Variants in GPC5 observed in about 807,000 individuals in gnomAD.
The protein encoded by GPC5 is glypican 5.
In GPC5, 47 loss-of-function variants were observed where a neutral mutation model predicts 53.9. The ratio of observed to expected loss-of-function variants is 0.87; its 90% confidence interval spans 0.69 to 1.11. The LOEUF is 1.11. Ranked by LOEUF, GPC5 falls within the 50% of genes most tolerant of loss-of-function variation. GPC5 has a pLI of 0.00. For synonymous variants in GPC5, 286 were observed against 263.3 expected (o/e 1.09, Z -0.84); for missense variants, 748 against 713.1 (o/e 1.05, Z -0.56).
chr13:92,142,018 A>T (rs2041835436), intron 6 of GPC5, among the ~76,000 whole-genome samples: 1 of 152,214 alleles, frequency 6.6e-6, no homozygotes, highest in South Asian at 2.1e-4. Context: ...CATGCTTGGA[A>T]TGTCTAACTT....
At chr13:91,530,887 T>C (rs1486067791) in intron 2 of GPC5, among the ~76,000 whole-genome samples, 1 of 152,218 alleles carries the variant, frequency 6.6e-6, no homozygotes, top group African/African-American at 2.4e-5. Context: ...AATTTATTAT[T>C]TTAGCACGAA....
chr13:92,216,033 C>T (rs1181768127), intron 7 of GPC5, among the ~76,000 whole-genome samples: 1 of 152,116 alleles, frequency 6.6e-6, no homozygotes, highest in Non-Finnish European at 1.5e-5. Context: ...TAATACTAGG[C>T]ACAAGCTCCC....
intron 7 of GPC5, among the ~76,000 whole-genome samples, chr13:92,614,792 C>T (rs184335450): frequency 1.3e-4 from 20 of 152,258 alleles, no homozygotes; most frequent in Admixed American, 1.2e-3. Context: ...AAGGTTATTT[C>T]AAATTCTTTT....
chr13:92,602,171 C>T (rs902864506), intron 7 of GPC5, among the ~76,000 whole-genome samples: 4 of 140,240 alleles, frequency 2.9e-5, no homozygotes, highest in African/African-American at 1.1e-4. Flanking sequence ...TATACAAATA[C>T]ACACTATATA....
chr13:91,833,531 C>T (rs967832183), intron 5 of GPC5, among the ~76,000 whole-genome samples: 5 of 152,174 alleles, frequency 3.3e-5, no homozygotes, highest in African/African-American at 9.7e-5. Flanking sequence ...TCCAGCAGCA[C>T]ATCAAAAAGC....
At chr13:91,684,851 C>T (rs1186750470) in intron 2 of GPC5, among the ~76,000 whole-genome samples, 1 of 152,200 alleles carries the variant, frequency 6.6e-6, no homozygotes, top group East Asian at 1.9e-4. Flanking sequence ...AATCTGTCCC[C>T]TGCCTACTTC....
chr13:92,072,449 T>G (rs1240033054), intron 6 of GPC5, among the ~76,000 whole-genome samples: 1 of 151,830 alleles, frequency 6.6e-6, no homozygotes, highest in Admixed American at 6.6e-5. Flanking sequence ...GTATTTTTAG[T>G]GGAGACGGGG....
intron 7 of GPC5, among the ~76,000 whole-genome samples, chr13:92,296,698 G>C (rs539354902): frequency 1.3e-5 from 2 of 152,184 alleles, no homozygotes; most frequent in Admixed American, 6.5e-5. Context: ...GGCTGCGTGC[G>C]GCGCTTGCGG....
chr13:91,719,217 C>T (rs907647580), intron 3 of GPC5, among the ~76,000 whole-genome samples: 6 of 152,278 alleles, frequency 3.9e-5, no homozygotes, highest in East Asian at 1.9e-4. Context: ...TGCAGTTGCC[C>T]GTTTGCTCTG....
rs145857274 is a variant in GPC5 at position 92,550,162 on chromosome 13, T to C, written c.1562-316120T>C. On this transcript the variant is annotated intron_variant, in intron 7 of 7. Transcript: ENST00000377067. ...TTTGATTCCATTTATATTACTTAGA[T>C]GTATATTTATGTATTATTTGATTCC... Among the ~76,000 whole-genome samples, 29 of 152,024 alleles carry C rather than the reference T, an allele frequency of 1.9e-4. No individual in the cohort carries two copies. In the East Asian group the frequency reaches 3.9e-3, roughly 20 times the overall value.
chr13:92,586,542 C>A (rs1033386902), intron 7 of GPC5, among the ~76,000 whole-genome samples: 1 of 152,152 alleles, frequency 6.6e-6, no homozygotes, highest in Non-Finnish European at 1.5e-5. Flanking sequence ...CGTCAGTGTG[C>A]AGAATGAACT....
chr13:91,919,695 C>T (rs896496780), intron 6 of GPC5, among the ~76,000 whole-genome samples: 2 of 152,002 alleles, frequency 1.3e-5, no homozygotes, highest in Admixed American at 6.6e-5. Context: ...TCCCAGATAA[C>T]TCTCCTCCAC....
At chr13:92,065,582 C>A (rs1364909372) in intron 6 of GPC5, among the ~76,000 whole-genome samples, 1 of 152,134 alleles carries the variant, frequency 6.6e-6, no homozygotes, top group Non-Finnish European at 1.5e-5. Flanking sequence ...ATGTTCTTAT[C>A]ATTCTGTGTC....
intron 7 of GPC5, among the ~76,000 whole-genome samples, chr13:92,390,420 C>A (rs1874940828): frequency 6.6e-6 from 1 of 151,988 alleles, no homozygotes; most frequent in African/African-American, 2.4e-5. Context: ...AAGCTGATTT[C>A]TACAAAGATA....
At chr13:92,144,713 G>A (rs2041854020) in intron 6 of GPC5, 117 bp from the exon 7 acceptor site, 2 of 950,520 alleles carry the variant, frequency 2.1e-6, no homozygotes, top group Admixed American at 5.4e-5. Flanking sequence ...TTGACTTGGT[G>A]TCTACACCAA....
intron 7 of GPC5, among the ~76,000 whole-genome samples, chr13:92,572,728 A>G (rs890129362): frequency 6.6e-6 from 1 of 152,160 alleles, no homozygotes; most frequent in Non-Finnish European, 1.5e-5. Flanking sequence ...TTATCTCACC[A>G]TATGACACAA....
chr13:92,019,407 G>C (rs761202171), intron 6 of GPC5, among the ~76,000 whole-genome samples: 1 of 152,094 alleles, frequency 6.6e-6, no homozygotes, highest in Non-Finnish European at 1.5e-5. Flanking sequence ...AGGTGTATGT[G>C]AATGTGTGTG....
chr13:91,772,949 TA>T (rs988306542), intron 5 of GPC5, among the ~76,000 whole-genome samples: 19 of 152,104 alleles, frequency 1.2e-4, no homozygotes, highest in Admixed American at 2.6e-4. Flanking sequence ...TTTAGACTAT[TA>T]AAAAAATATG....
chr13:92,838,498 A>C (rs963813360), intron 7 of GPC5, among the ~76,000 whole-genome samples: 2 of 151,682 alleles, frequency 1.3e-5, no homozygotes, highest in Non-Finnish European at 2.9e-5. Flanking sequence ...CAAAAAAAAA[A>C]AGAAAAAAAA....
Sources: allele counts gnomAD v4.1 joint callset (sites outside exome capture counted in the v4.1 genomes callset), GRCh38; gene constraint gnomAD v4.1.1; transcripts MANE v1.5; gene names NCBI Gene and HGNC (gene_info 2026-07-23, HGNC 2026-07-21).